TBC1D9: variants seen among roughly 807,000 people sequenced by gnomAD.
TBC1D9 encodes the protein TBC1 domain family member 9, also known as TBC1 domain family member 9A.
A neutral mutation model predicts 132.0 loss-of-function variants in TBC1D9; 63 were observed. That is an observed-to-expected ratio of 0.48 (90% CI 0.39 to 0.59). The LOEUF is 0.59. Ranked by LOEUF, TBC1D9 falls within the 20% of genes least tolerant of loss-of-function variation. TBC1D9 has a pLI of 0.00. For missense variants in TBC1D9, 1,261 were observed against 1,592.7 expected, an observed-to-expected ratio of 0.79 and a Z score of 3.54; for synonymous variants, 610 against 609.9, an observed-to-expected ratio of 1.00 and a Z score of 0.00.
At chr4:140,631,345 C>T (rs1000955555) in intron 16 of TBC1D9, among the ~76,000 whole-genome samples, 3 of 151,942 alleles carry the variant, frequency 2.0e-5, no homozygotes, top group Non-Finnish European at 4.4e-5. Flanking sequence ...GCCTCAGCCT[C>T]CCAAGTAGCT....
chr4:140,739,515 A>C (rs1393342750), intron 1 of TBC1D9, among the ~76,000 whole-genome samples: 1 of 152,190 alleles, frequency 6.6e-6, no homozygotes, highest in Non-Finnish European at 1.5e-5. Flanking sequence ...TCATATATAA[A>C]GGGGAATAAT....
At chr4:140,633,336 A>C (rs1736827911) in intron 16 of TBC1D9, among the ~76,000 whole-genome samples, 1 of 152,228 alleles carries the variant, frequency 6.6e-6, no homozygotes, top group Non-Finnish European at 1.5e-5. Flanking sequence ...AAAGAACAAG[A>C]GTCCAAAAAG....
In TBC1D9 at chr4:140,622,933, GA is replaced by G; in HGVS notation, c.3079-17del. ...TGAACTGCCCCTGAAAAGCGATTTG[GA>G]AAAACACAATGTGAAATCTTGGGGG... On this transcript the variant is annotated splice_polypyrimidine_tract_variant and intron_variant, in intron 20 of 20. Coordinates refer to ENST00000442267, the MANE Select transcript of TBC1D9 (RefSeq NM_015130.3). 2 of 1,498,376 alleles carry G rather than the reference GA, an allele frequency of 1.3e-6. No homozygotes were observed. Among genetic ancestry groups the G allele is most frequent in the Non-Finnish European group, 1.8e-6 (2 of 1,123,946 alleles). 92.8% of individuals were successfully genotyped at this position (1,498,376 alleles called of 1,614,324 possible). A position where few individuals can be genotyped will look rare whatever the true frequency, so the allele number is the denominator to read the frequency against.
At chr4:140,729,971 G>A (rs1051431491) in intron 1 of TBC1D9, among the ~76,000 whole-genome samples, 1 of 152,020 alleles carries the variant, frequency 6.6e-6, no homozygotes, top group African/African-American at 2.4e-5. Flanking sequence ...ACTTTTCCAG[G>A]TATTTTGTTG....
chr4:140,672,464 A>G (rs1301073072), intron 6 of TBC1D9, among the ~76,000 whole-genome samples: 2 of 152,134 alleles, frequency 1.3e-5, no homozygotes, highest in Non-Finnish European at 2.9e-5. Flanking sequence ...CTCACATAAA[A>G]TTTTTACTGG....
chr4:140,714,268 A>C (rs925654091), intron 1 of TBC1D9, among the ~76,000 whole-genome samples: 9 of 152,236 alleles, frequency 5.9e-5, no homozygotes, highest in African/African-American at 2.2e-4. Context: ...CAGTCTCAAG[A>C]GGTCCTGAGA....
Position 140,670,702 on chromosome 4 carries a change from C to G in TBC1D9, c.1266+18G>C. ...GAACAGGATAAACCAAAAATACTTT[C>G]AGGTGTCTCCCACAGACCTCATCAT... On this transcript the variant is annotated intron_variant, in intron 7 of 20. Transcript: ENST00000442267. The G allele has an allele frequency of 6.2e-7, 1 of 1,608,372 alleles. No individual in the cohort carries two copies. The highest frequency in any genetic ancestry group is 1.7e-5 in the Admixed American group (1 of 60,010).
At chr4:140,723,134 G>A (rs1386848083) in intron 1 of TBC1D9, among the ~76,000 whole-genome samples, 2 of 152,140 alleles carry the variant, frequency 1.3e-5, no homozygotes, top group Non-Finnish European at 2.9e-5. Context: ...CTCTAATAAT[G>A]CTTAGTAATT....
At chr4:140,641,444 C>T (rs370003499) in intron 13 of TBC1D9, among the ~76,000 whole-genome samples, 108 of 152,322 alleles carry the variant, frequency 7.1e-4, no homozygotes, top group African/African-American at 2.5e-3. Flanking sequence ...AAAATGAACT[C>T]AGTATGTTTA....
At chr4:140,666,574 G>T (rs1737448580) in intron 9 of TBC1D9, among the ~76,000 whole-genome samples, 2 of 151,942 alleles carry the variant, frequency 1.3e-5, no homozygotes. Context: ...TCCTGACCTC[G>T]TGATCCGCCC....
At chr4:140,636,236 G>A (rs1736877833) in intron 15 of TBC1D9, among the ~76,000 whole-genome samples, 1 of 152,184 alleles carries the variant, frequency 6.6e-6, no homozygotes, top group South Asian at 2.1e-4. Context: ...CCAGGGCAAA[G>A]GGCCCCTGAA....
intron 13 of TBC1D9, among the ~76,000 whole-genome samples, chr4:140,654,471 G>C (rs1223808121): frequency 1.9e-5 from 2 of 104,082 alleles, no homozygotes; most frequent in African/African-American, 6.2e-5. Flanking sequence ...AAGAAGAAAG[G>C]GGTGGGGGGG....
At chr4:140,754,020 T>C (rs1469944597) in intron 1 of TBC1D9, among the ~76,000 whole-genome samples, 3 of 152,232 alleles carry the variant, frequency 2.0e-5, no homozygotes, top group Non-Finnish European at 4.4e-5. Context: ...ATAAGTGCAA[T>C]CACTGTGATT....
chr4:140,671,816 T>G (rs1228349321), intron 6 of TBC1D9, among the ~76,000 whole-genome samples: 1 of 151,938 alleles, frequency 6.6e-6, no homozygotes, highest in Non-Finnish European at 1.5e-5. Context: ...GATAAACGCA[T>G]TAAAACTTTT....
intron 1 of TBC1D9, among the ~76,000 whole-genome samples, chr4:140,741,669 G>C (rs955221345): frequency 6.6e-6 from 1 of 152,190 alleles, no homozygotes; most frequent in Non-Finnish European, 1.5e-5. Context: ...AGTGAGCAGA[G>C]ATCATGCCAA....
intron 13 of TBC1D9, chr4:140,643,574 G>T: frequency 1.1e-6 from 1 of 890,558 alleles, no homozygotes. Context: ...GCTGGGGCTC[G>T]CTCAGGGCCG....
chr4:140,665,075 C>A (rs1737421582), intron 9 of TBC1D9, among the ~76,000 whole-genome samples: 1 of 150,350 alleles, frequency 6.7e-6, no homozygotes, highest in Admixed American at 6.6e-5. Flanking sequence ...CCATTGCACT[C>A]CAGCCTGGGT....
intron 9 of TBC1D9, among the ~76,000 whole-genome samples, chr4:140,664,381 G>C (rs1362306709): frequency 6.6e-6 from 1 of 152,172 alleles, no homozygotes; most frequent in Non-Finnish European, 1.5e-5. Flanking sequence ...TTATGGGTTG[G>C]AAGACTTAAT....
intron 3 of TBC1D9, 89 bp downstream of exon 3, chr4:140,686,255 A>C: frequency 1.2e-6 from 1 of 826,524 alleles, no homozygotes; most frequent in South Asian, 1.7e-5. Flanking sequence ...AAGGGTATAC[A>C]GGTATGTTTT....
Sources: allele counts gnomAD v4.1 joint callset (sites outside exome capture counted in the v4.1 genomes callset), GRCh38; gene constraint gnomAD v4.1.1; transcripts MANE v1.5; gene names NCBI Gene and HGNC (gene_info 2026-07-23, HGNC 2026-07-21).